The following FRMD1 variants were observed in gnomAD, a reference collection of about 807,000 sequenced individuals.
The protein encoded by FRMD1 is FERM domain-containing protein 1.
Under a neutral mutation model 54.9 loss-of-function variants are expected in FRMD1, and 51 were observed. That is an observed-to-expected ratio of 0.93 (90% confidence interval 0.74 to 1.17). The LOEUF (loss-of-function observed/expected upper bound fraction) is 1.17. FRMD1 is among the 50% of genes most tolerant of loss of function. The probability of loss-of-function intolerance (pLI) is 0.00; values close to 1 mark genes in which losing one functional copy is unlikely to be tolerated. For synonymous variants in FRMD1, 324 were observed against 306.4 expected, an observed-to-expected ratio of 1.06 and a Z score of -0.60; for missense variants, 729 against 743.0, an observed-to-expected ratio of 0.98 and a Z score of 0.22.
At position 168,062,583 on chromosome 6, in the gene FRMD1, C is replaced by T. The variant is rs547365160; in HGVS notation, c.870+311G>A. 365 of 1,308,280 alleles carry T rather than the reference C, an allele frequency of 2.8e-4. 2 individuals carry two copies. In the East Asian group the frequency reaches 6.7e-3, roughly 24 times the overall value. The allele number at this position is 1,308,280 out of a possible 1,614,324, so 81.0% of individuals were successfully genotyped here. A position where few individuals can be genotyped will look rare whatever the true frequency, so the allele number is the denominator to read the frequency against. Reference sequence around the variant, plus strand: ...CGGCAGGAAGGGACCTGCACCTCTTCGGGTGCAGAATTGTCCAGAAAATGC... The same window carrying T: ...CGGCAGGAAGGGACCTGCACCTCTTTGGGTGCAGAATTGTCCAGAAAATGC... On this transcript the variant is annotated intron_variant, in intron 7 of 10. Transcript: ENST00000283309.
At chr6:168,075,821 C>A in intron 1 of FRMD1, 2 of 1,547,046 alleles carry the variant, frequency 1.3e-6, no homozygotes, top group Non-Finnish European at 8.7e-7. Context: ...AAACACCCAG[C>A]GTCTGGTGCG....
chr6:168,059,659 C>T lies in FRMD1; in HGVS notation c.1343-471G>A, dbSNP rs781415876. ...TCCCACCTGATCTCATCACATCCAC[C>T]GTCAGGGCCGTGGGGACACTCAGAG... is the stretch of plus-strand genomic sequence containing the variant. On this transcript the variant is annotated intron_variant, in intron 9 of 10. Transcript: ENST00000283309. This position sits in a 1 kb window ranked among gnomAD's most constrained non-coding sequence, Gnocchi z 4.4. Among the ~76,000 whole-genome samples the T allele has an allele frequency of 4.6e-5, 7 of 152,144 alleles. No individual in the cohort carries two copies. The highest frequency in any genetic ancestry group is 7.4e-5 in the Non-Finnish European group (5 of 68,018).
chr6:168,081,514 C>G, upstream of FRMD1: 1 of 1,529,292 alleles, frequency 6.5e-7, no homozygotes, highest in Non-Finnish European at 8.8e-7. Flanking sequence ...CCAACTCTCT[C>G]TTCTTCTGGA....
In FRMD1 at chr6:168,066,788, A is replaced by G. The variant is rs757472825; in HGVS notation, c.428T>C (p.Val143Ala). 6.2e-7 allele frequency: 1 copy of G among 1,613,966 alleles called. No homozygotes were observed. Reference protein sequence around the residue: ...PRAPFVAFLRVQHYVENGRVI... With the variant: ...PRAPFVAFLRAQHYVENGRVI... Reference sequence around the variant, plus strand: ...CCTTCCGTTTTCCACGTAGTGCTGCACTCGGAGGAAGGCCACGAAGGGGGC... The same window carrying G: ...CCTTCCGTTTTCCACGTAGTGCTGCGCTCGGAGGAAGGCCACGAAGGGGGC... Residue 143 changes from valine (V) to alanine (A), a missense_variant, in exon 4 of 11, where the codon GTG becomes GCG. Coordinates refer to ENST00000283309, the MANE Select transcript of FRMD1 (RefSeq NM_024919.6).
Position 168,067,356 on chromosome 6 carries a change from T to A in FRMD1, c.384+11A>T. ...GTGCCTGCCCTCTCCCACCCGACACTCTACACTTACTTCATTTCTTTCTTT... is the reference window on the plus strand; with the variant it reads ...GTGCCTGCCCTCTCCCACCCGACACACTACACTTACTTCATTTCTTTCTTT... On this transcript the variant is annotated intron_variant, in intron 3 of 10. Transcript: ENST00000283309. The A allele has an allele frequency of 6.4e-7, 1 of 1,573,680 alleles. No individual in the cohort carries two copies. The highest frequency in any genetic ancestry group is 8.7e-7 in the Non-Finnish European group (1 of 1,153,478).
At position 168,059,086 on chromosome 6, in the gene FRMD1, G is replaced by T; in HGVS notation, c.1407+38C>A. 1 of 1,494,928 alleles carries T rather than the reference G, an allele frequency of 6.7e-7. No homozygotes were observed. Among genetic ancestry groups the T allele is most frequent in the Non-Finnish European group, 9.1e-7 (1 of 1,103,644 alleles). 92.6% of individuals were successfully genotyped at this position (1,494,928 alleles called of 1,614,324 possible). A position where few individuals can be genotyped will look rare whatever the true frequency, so the allele number is the denominator to read the frequency against. Reference sequence around the variant, plus strand: ...GGACCTAGGAGAAGGGGGTGGAGGAGCAGGGCCAGGGCTTCTGGCCCGTGG... The same window carrying T: ...GGACCTAGGAGAAGGGGGTGGAGGATCAGGGCCAGGGCTTCTGGCCCGTGG... On this transcript the variant is annotated intron_variant, in intron 10 of 10. Transcript: ENST00000283309. The surrounding 1 kb of genome is among the most constrained non-coding windows in gnomAD (Gnocchi z 4.4).
At chr6:168,063,789 C>A in intron 5 of FRMD1, 33 bp from the exon 6 acceptor site, 1 of 1,572,128 alleles carries the variant, frequency 6.4e-7, no homozygotes, top group South Asian at 1.2e-5. Flanking sequence ...AGCTCAGACC[C>A]CTGCTGGTCC....
At chr6:168,078,736 C>G in intron 1 of FRMD1, 146 bp downstream of exon 1, 1 of 1,279,228 alleles carries the variant, frequency 7.8e-7, no homozygotes, top group Non-Finnish European at 1.1e-6. Flanking sequence ...CTCCTCACCC[C>G]CATGGCTCTG....
At position 168,067,297 on chromosome 6, in the gene FRMD1, C is replaced by T. The variant is rs935597287; in HGVS notation, c.384+70G>A. The T allele has an allele frequency of 8.1e-5, 80 of 989,866 alleles. No homozygotes were observed. In the African/African-American group the frequency reaches 1.1e-3, roughly 14 times the overall value. The allele number at this position is 989,866 out of a possible 1,614,324, so 61.3% of individuals were successfully genotyped here. ...CCGCGGTGCCTGCTCTCTCCCACCCCACGTGTCCCCGTGGCCCAGCACAGC... is the reference window on the plus strand; with the variant it reads ...CCGCGGTGCCTGCTCTCTCCCACCCTACGTGTCCCCGTGGCCCAGCACAGC... On this transcript the variant is annotated intron_variant, in intron 3 of 10. Transcript: ENST00000283309.
At chr6:168,065,632 G>C in intron 4 of FRMD1, 1 of 986,498 alleles carries the variant, frequency 1.0e-6, no homozygotes, top group Non-Finnish European at 1.2e-6. Flanking sequence ...CCCCTCCAAG[G>C]CTATCCAGAA....
At chr6:168,090,656 A>G (rs1801000804) in intron 1 of FRMD1, among the ~76,000 whole-genome samples, 1 of 152,168 alleles carries the variant, frequency 6.6e-6, no homozygotes, top group African/African-American at 2.4e-5. Context: ...CCTGGAAGGA[A>G]AGTTCTGCAA....
chr6:168,079,174 G>A lies in FRMD1; in HGVS notation c.-80C>T. ...TCCCAGATCACAGCTGTGCTTTCCGGGACCCGCCCTTGCCGAGCTTCTCAC... is the reference window on the plus strand; with the variant it reads ...TCCCAGATCACAGCTGTGCTTTCCGAGACCCGCCCTTGCCGAGCTTCTCAC... On this transcript the variant is annotated 5_prime_UTR_variant, in exon 1 of 11. Coordinates refer to ENST00000283309, the MANE Select transcript of FRMD1 (RefSeq NM_024919.6). The A allele has an allele frequency of 6.9e-7, 1 of 1,448,430 alleles. No homozygotes were observed. Among genetic ancestry groups the A allele is most frequent in the Non-Finnish European group, 9.1e-7 (1 of 1,102,600 alleles). The allele number at this position is 1,448,430 out of a possible 1,614,324, so 89.7% of individuals were successfully genotyped here.
At chr6:168,075,478 T>C in intron 1 of FRMD1, 143 bp from the exon 2 acceptor site, 1 of 712,404 alleles carries the variant, frequency 1.4e-6, no homozygotes, top group South Asian at 1.6e-5. Flanking sequence ...GGTCTCTCAC[T>C]CTCTCCCAAA....
At chr6:168,084,359 TTG>T (rs1448114586), upstream of FRMD1, among the ~76,000 whole-genome samples, 1 of 152,208 alleles carries the variant, frequency 6.6e-6, no homozygotes, top group Non-Finnish European at 1.5e-5. Flanking sequence ...GACAGTGTAT[TTG>T]TGTGTCTTCA....
rs545014007 is a variant in FRMD1, at chr6:168,076,141, C to A, written c.214-806G>T. 2.4e-3 allele frequency among the ~76,000 whole-genome samples: 371 copies of A among 152,308 alleles called. 2 individuals are homozygous for A. Among genetic ancestry groups the A allele is most frequent in the Non-Finnish European group, 4.2e-3 (286 of 68,020 alleles). On this transcript the variant is annotated intron_variant, in intron 1 of 10. Coordinates refer to ENST00000283309, the MANE Select transcript of FRMD1 (RefSeq NM_024919.6). ...AGCGTTCTCAGGCAGAATCGCAGGG[C>A]GCCAAGCCTGTGACGGAGGGTGCAG...
chr6:168,081,787 G>C (rs117775922), upstream of FRMD1: 4 of 415,142 alleles, frequency 9.6e-6, no homozygotes, highest in African/African-American at 2.0e-5. Context: ...GGAGCTGGCA[G>C]CAGGGACTGC....
chr6:168,057,563 C>G (rs929936628), intron 10 of FRMD1: 3 of 598,702 alleles, frequency 5.0e-6, no homozygotes, highest in Non-Finnish European at 5.7e-6. Context: ...CCCACCTTGC[C>G]CAGCTTCTTT....
intron 1 of FRMD1, chr6:168,075,641 C>G (rs1389588119): frequency 6.5e-6 from 6 of 924,746 alleles, no homozygotes; most frequent in South Asian, 1.4e-5. Context: ...CAGGGACACA[C>G]GATGCAGCGT....
chr6:168,057,008 G>A lies in FRMD1; in HGVS notation c.*89C>T. 1 of 1,379,626 alleles carries A rather than the reference G, an allele frequency of 7.2e-7. No homozygotes were observed. Among genetic ancestry groups the A allele is most frequent in the East Asian group, 2.8e-5 (1 of 36,032 alleles). 85.5% of individuals were successfully genotyped at this position (1,379,626 alleles called of 1,614,324 possible). A position where few individuals can be genotyped will look rare whatever the true frequency, so the allele number is the denominator to read the frequency against. On this transcript the variant is annotated 3_prime_UTR_variant, in exon 11 of 11. Transcript: ENST00000283309. The stretch of plus-strand genomic sequence containing the variant: ...GCTGCGGAAGTGCAGGCAGCATCTG[G>A]CGGGCAGGAAGGGACGAGGGCCATG...
Sources: gnomAD v4.1 joint callset for allele counts (sites outside exome capture counted in the v4.1 genomes callset) on GRCh38, gnomAD v4.1.1 for gene constraint, Gnocchi (gnomAD v3.1) non-coding constraint, MANE v1.5 for transcripts, NCBI Gene and HGNC (gene_info 2026-07-23, HGNC 2026-07-21) for gene names.